SPECC1L: variants seen among roughly 807,000 people sequenced by gnomAD.
SPECC1L encodes the protein sperm antigen with calponin homology and coiled-coil domains 1 like.
A neutral mutation model predicts 116.8 loss-of-function variants in SPECC1L; 40 were observed. That is an observed-to-expected ratio of 0.34 (90% CI 0.27 to 0.45). The LOEUF is 0.45. SPECC1L is among the 20% of genes least tolerant of loss of function. The pLI, the probability that SPECC1L is intolerant of heterozygous loss-of-function variation, is 1.00. For missense variants in SPECC1L, 1,110 were observed against 1,373.6 expected (o/e 0.81, Z 3.03); for synonymous variants, 504 against 500.6 (o/e 1.01, Z -0.09).
Position 24,412,628 on chromosome 22 carries a change from T to A in SPECC1L, c.3205-20T>A. ...TCTGTGCCTTGTTCATGCACTGCAGTGACACAGTTTCTTTTACAGAGAAGG... is the reference window on the plus strand; with the variant it reads ...TCTGTGCCTTGTTCATGCACTGCAGAGACACAGTTTCTTTTACAGAGAAGG... On this transcript the variant is annotated intron_variant, in intron 15 of 16. Transcript: ENST00000314328. 6.2e-7 allele frequency: 1 copy of A among 1,614,004 alleles called. No homozygotes were observed. The highest frequency in any genetic ancestry group is 8.5e-7 in the Non-Finnish European group (1 of 1,179,872).
rs1243443323 is a variant in SPECC1L at position 24,415,853 on chromosome 22, C to G, written c.*1230C>G. ...CCAAAGCCTTATTTAAAGGTGGTCA[C>G]TGGAGATGCTCTCAGGCCAGAACTC... is the stretch of plus-strand genomic sequence containing the variant. On this transcript the variant is annotated 3_prime_UTR_variant, in exon 17 of 17. Transcript: ENST00000314328. 1 of 152,168 alleles carries G rather than the reference C, an allele frequency of 6.6e-6. No homozygotes were observed. Among genetic ancestry groups the G allele is most frequent in the Non-Finnish European group, 1.5e-5 (1 of 68,010 alleles). The allele number at this position is 152,168 out of a possible 1,614,324, so 9.4% of individuals were successfully genotyped here. A position where few individuals can be genotyped will look rare whatever the true frequency, so the allele number is the denominator to read the frequency against.
chr22:24,326,702 A>G (rs2040828746), intron 6 of SPECC1L, among the ~76,000 whole-genome samples: 1 of 152,172 alleles, frequency 6.6e-6, no homozygotes, highest in Non-Finnish European at 1.5e-5. Context: ...GCCTGGTACA[A>G]AGTTGGTACA....
chr22:24,363,673 T>C (rs577268067), intron 12 of SPECC1L, among the ~76,000 whole-genome samples: 2 of 152,272 alleles, frequency 1.3e-5, no homozygotes, highest in South Asian at 2.1e-4. Flanking sequence ...TCATCCAGTT[T>C]CCTAGCACAC....
At chr22:24,330,019 G>C (rs1309163152) in intron 7 of SPECC1L, among the ~76,000 whole-genome samples, 1 of 152,150 alleles carries the variant, frequency 6.6e-6, no homozygotes, top group Non-Finnish European at 1.5e-5. Context: ...CTGAGTACTT[G>C]ATGCCTCAGT....
chr22:24,304,777 A>G (rs1381816731), intron 3 of SPECC1L, among the ~76,000 whole-genome samples: 2 of 152,240 alleles, frequency 1.3e-5, no homozygotes, highest in Non-Finnish European at 2.9e-5. Flanking sequence ...ACATTTGTTA[A>G]TTGTATGAAC....
intron 1 of SPECC1L, among the ~76,000 whole-genome samples, chr22:24,274,774 C>T (rs1339430616): frequency 5.9e-5 from 9 of 152,214 alleles, no homozygotes; most frequent in Admixed American, 2.6e-4. Context: ...CCAGTACCTT[C>T]GTAATAAGGT....
At chr22:24,312,602 C>G (rs553675018) in intron 3 of SPECC1L, among the ~76,000 whole-genome samples, 1 of 152,060 alleles carries the variant, frequency 6.6e-6, no homozygotes, top group African/African-American at 2.4e-5. Flanking sequence ...GAAGTAAAAA[C>G]GTTTCTTCAC....
chr22:24,390,884 T>TTTTC (rs2042258420), intron 14 of SPECC1L, among the ~76,000 whole-genome samples: 2 of 124,384 alleles, frequency 1.6e-5, no homozygotes, highest in African/African-American at 6.1e-5. Context: ...TTTTTTTTTT[T>TTTTC]TTTTTTTTTT....
chr22:24,410,339 G>T (rs1239289222), intron 14 of SPECC1L, among the ~76,000 whole-genome samples: 1 of 152,218 alleles, frequency 6.6e-6, no homozygotes, highest in Non-Finnish European at 1.5e-5. Context: ...AATTGCAGAG[G>T]TTTTTGATGG....
At chr22:24,407,315 G>A (rs1285501119) in intron 14 of SPECC1L, among the ~76,000 whole-genome samples, 1 of 152,246 alleles carries the variant, frequency 6.6e-6, no homozygotes, top group Non-Finnish European at 1.5e-5. Flanking sequence ...TGTAAAAGAA[G>A]TCTCTCTTCC....
intron 5 of SPECC1L, 124 bp from the exon 6 acceptor site, chr22:24,324,096 T>G (rs1193177581): frequency 7.8e-6 from 6 of 767,158 alleles, no homozygotes; most frequent in South Asian, 6.0e-5. Flanking sequence ...TTACACAGGT[T>G]GTTTTAGTTT....
At chr22:24,405,778 G>A (rs565387939) in intron 14 of SPECC1L, among the ~76,000 whole-genome samples, 1 of 151,468 alleles carries the variant, frequency 6.6e-6, no homozygotes, top group African/African-American at 2.4e-5. Context: ...GGCGGAGCTT[G>A]CAGTGATTCG....
intron 14 of SPECC1L, among the ~76,000 whole-genome samples, chr22:24,372,932 G>T (rs891785442): frequency 1.3e-5 from 2 of 152,138 alleles, no homozygotes; most frequent in African/African-American, 4.8e-5. Context: ...CAAAGTCTCA[G>T]GATACAAAAT....
At chr22:24,400,075 T>C (rs1339202644) in intron 14 of SPECC1L, among the ~76,000 whole-genome samples, 1 of 152,236 alleles carries the variant, frequency 6.6e-6, no homozygotes. Context: ...CCTCTTTTAT[T>C]TGAGTAAAAC....
intron 3 of SPECC1L, among the ~76,000 whole-genome samples, chr22:24,307,909 C>T (rs1376338793): frequency 6.6e-6 from 1 of 151,732 alleles, no homozygotes. Flanking sequence ...TGGAAATAAT[C>T]ATGTAAAATC....
rs1460968291 is a variant in SPECC1L, at chr22:24,415,310, GCAGTTACGGGGGCCC to G, written c.*689_*703del. The G allele has an allele frequency of 6.5e-6, 1 of 153,034 alleles. No homozygotes were observed. The highest frequency in any genetic ancestry group is 1.5e-5 in the Non-Finnish European group (1 of 68,516). The allele number at this position is 153,034 out of a possible 1,614,324, so 9.5% of individuals were successfully genotyped here. On this transcript the variant is annotated 3_prime_UTR_variant, in exon 17 of 17. Transcript: ENST00000314328. The stretch of plus-strand genomic sequence containing the variant: ...ACGCGGCTGGGCTTTCTGGCGGGAA[GCAGTTACGGGGGCCC>G]CTTGCCTGGACTCAGCGACCTGTCT...
rs897865266 is a variant in SPECC1L, at chr22:24,338,415, C to A, written c.2590C>A (p.Arg864=). 1.9e-6 allele frequency: 3 copies of A among 1,614,040 alleles called. No individual in the cohort carries two copies. Among genetic ancestry groups the A allele is most frequent in the South Asian group, 1.1e-5 (1 of 91,084 alleles). ...VPNPAAAAIP[R]TPLSPSPMKT... ...AAACCCTGCTGCAGCTGCAATTCCT[C>A]GAACGCCCCTGAGCCCAAGTCCTAT... The change falls in exon 10 of 17, where the codon CGA becomes AGA. Residue 864 remains arginine (R), a synonymous_variant. Transcript: ENST00000314328.
intron 14 of SPECC1L, among the ~76,000 whole-genome samples, chr22:24,373,899 A>G (rs1177711168): frequency 6.6e-6 from 1 of 152,214 alleles, no homozygotes; most frequent in Admixed American, 6.5e-5. Flanking sequence ...TAATATCCAG[A>G]ATCTACAATG....
At chr22:24,333,420 C>T (rs1331424338) in intron 8 of SPECC1L, among the ~76,000 whole-genome samples, 1 of 152,080 alleles carries the variant, frequency 6.6e-6, no homozygotes, top group Non-Finnish European at 1.5e-5. Context: ...AATCTCATTC[C>T]AGATGAAATA....
Sources: gnomAD v4.1 joint callset for allele counts (sites outside exome capture counted in the v4.1 genomes callset) on GRCh38, gnomAD v4.1.1 for gene constraint, MANE v1.5 for transcripts, NCBI Gene and HGNC (gene_info 2026-07-23, HGNC 2026-07-21) for gene names.